The following CILP variants were observed in gnomAD, a reference collection of about 807,000 sequenced individuals.
CILP encodes the protein cartilage intermediate layer protein, also known as cartilage intermediate layer protein 1.
Under a neutral mutation model 82.5 loss-of-function variants are expected in CILP, and 75 were observed. The ratio of observed to expected loss-of-function variants is 0.91; its 90% CI spans 0.75 to 1.10. The LOEUF is 1.10. Among genes scored for constraint, CILP ranks in the 50% least tolerant of loss-of-function variants. The pLI is 0.00. For missense variants in CILP, 1,479 were observed against 1,530.8 expected, an observed-to-expected ratio of 0.97 and a Z score of 0.56; for synonymous variants, 530 against 580.3, an observed-to-expected ratio of 0.91 and a Z score of 1.25.
Position 65,197,897 on chromosome 15 carries a change from C to A in CILP, c.2389G>T (p.Asp797Tyr), listed in dbSNP as rs200078466. 6.2e-7 allele frequency: 1 copy of A among 1,614,028 alleles called. No individual in the cohort carries two copies. The highest frequency in any genetic ancestry group is 1.3e-5 in the African/African-American group (1 of 75,012). ...LSNPRAWGRF[D>Y]SVITGPNGAC... ...CCGTTGGGGCCTGTGATGACACTGT[C>A]AAAGCGGCCCCAGGCCCTAGGGTTG... is the stretch of plus-strand genomic sequence containing the variant. Residue 797 changes from aspartate (D) to tyrosine (Y), a missense_variant, in exon 9 of 9, where the codon GAC (aspartate) becomes TAC (tyrosine). Coordinates refer to ENST00000261883, the MANE Select transcript of CILP (RefSeq NM_003613.4).
chr15:65,199,070 G>C lies in CILP; in HGVS notation c.1216C>G (p.Pro406Ala), dbSNP rs1267940445. 1.3e-6 allele frequency: 2 copies of C among 1,597,198 alleles called. No individual in the cohort carries two copies. Among genetic ancestry groups the C allele is most frequent in the East Asian group, 4.5e-5 (2 of 44,858 alleles). ...ASDETPCNPV[P>A]ESYLIRLPHD... The stretch of plus-strand genomic sequence containing the variant: ...GGCAGCCGGATAAGATAGCTCTCAG[G>C]AACTGGGTTGCAAGGAGTCTCATCA... The change falls in exon 9 of 9, where the codon CCT becomes GCT. Residue 406 changes from proline (P) to alanine (A), a missense_variant. Pro to Ala is a conservative substitution (Grantham distance 27, BLOSUM62 -1). Coordinates refer to ENST00000261883, the MANE Select transcript of CILP (RefSeq NM_003613.4).
At chr15:65,203,723 C>A (rs971094062) in intron 6 of CILP, among the ~76,000 whole-genome samples, 1 of 152,192 alleles carries the variant, frequency 6.6e-6, no homozygotes, top group Admixed American at 6.5e-5. Flanking sequence ...ACAAGGGGAC[C>A]TTGTGTCAGC....
At chr15:65,210,872 G>A (rs16948571) in intron 1 of CILP, among the ~76,000 whole-genome samples, 3,425 of 152,240 alleles carry the variant, frequency 0.022, 126 homozygotes, top group African/African-American at 0.079. Context: ...TCACCAGGAC[G>A]TCCCAAAGGC....
At chr15:65,209,454 G>C (rs2088561463) in intron 2 of CILP, among the ~76,000 whole-genome samples, 1 of 152,040 alleles carries the variant, frequency 6.6e-6, no homozygotes, top group South Asian at 2.1e-4. Context: ...TCCTCCCTCT[G>C]AATGACTGCT....
rs2088506206 is a variant in CILP, at chr15:65,205,346, A to G, written c.545T>C (p.Val182Ala). The G allele has an allele frequency of 1.2e-6, 2 of 1,614,100 alleles. No individual in the cohort carries two copies. Among genetic ancestry groups the G allele is most frequent in the East Asian group, 2.2e-5 (1 of 44,874 alleles). The change falls in exon 5 of 9, where the codon GTG (valine) becomes GCG (alanine). Residue 182 changes from valine (V) to alanine (A), a missense_variant. Val to Ala is a moderately conservative substitution (Grantham distance 64, BLOSUM62 0). Coordinates refer to ENST00000261883, the MANE Select transcript of CILP (RefSeq NM_003613.4). ...TRTRICLAEM[V>A]SLCSEASEEG... Reference sequence around the variant, plus strand: ...TTCGCTGGCCTCACTGCACAGCGACACCATCTCTGCCAAGCAAATGCGTGT... The same window carrying G: ...TTCGCTGGCCTCACTGCACAGCGACGCCATCTCTGCCAAGCAAATGCGTGT...
chr15:65,207,690 G>T lies in CILP; in HGVS notation c.136C>A (p.Pro46Thr), dbSNP rs764531253. Residue 46 changes from proline to threonine, a missense_variant, in exon 3 of 9, where the codon CCT (proline) becomes ACT (threonine). Physicochemically the swap from Pro to Thr is conservative, Grantham distance 38. Coordinates refer to ENST00000261883, the MANE Select transcript of CILP (RefSeq NM_003613.4). Reference sequence around the variant, plus strand: ...AACTCACTCTCCAGGGTGTCGGCAGGCTTGGCAAAGATGCTGGGGTTCTTC... The same window carrying T: ...AACTCACTCTCCAGGGTGTCGGCAGTCTTGGCAAAGATGCTGGGGTTCTTC... ...GKKNPSIFAK[P>T]ADTLESPGEW... 5 of 1,614,122 alleles carry T rather than the reference G, an allele frequency of 3.1e-6. No homozygotes were observed. The highest frequency in any genetic ancestry group is 2.2e-5 in the East Asian group (1 of 44,880).
In CILP at chr15:65,196,903, C is replaced by T. The variant is rs2088370161; in HGVS notation, c.3383G>A (p.Ser1128Asn). The part of the protein sequence containing the change: ...NCVERQVGRQ[S>N]AFQYLQSTPA... Reference sequence around the variant, plus strand: ...GGTGCTTTGGAGGTACTGGAAGGCACTCTGGCGGCCTACTTGCCTCTCTAC... The same window carrying T: ...GGTGCTTTGGAGGTACTGGAAGGCATTCTGGCGGCCTACTTGCCTCTCTAC... Residue 1128 changes from serine to asparagine, a missense_variant, in exon 9 of 9, where the codon AGT becomes AAT. Transcript: ENST00000261883. The T allele has an allele frequency of 1.2e-6, 2 of 1,613,316 alleles. No individual in the cohort carries two copies. The highest frequency in any genetic ancestry group is 1.7e-5 in the Admixed American group (1 of 59,902).
At position 65,195,621 on chromosome 15, in the gene CILP, G is replaced by A. The variant is rs2088351994; in HGVS notation, c.*1110C>T. 1.3e-5 allele frequency: 2 copies of A among 152,246 alleles called. No homozygotes were observed. The highest frequency in any genetic ancestry group is 4.8e-5 in the African/African-American group (2 of 41,466). 9.4% of individuals were successfully genotyped at this position (152,246 alleles called of 1,614,324 possible). A position where few individuals can be genotyped will look rare whatever the true frequency, so the allele number is the denominator to read the frequency against. The stretch of plus-strand genomic sequence containing the variant: ...GAAAAAAGTAAAAGCCCATTTCTGA[G>A]TGAGGCCGGCCAGCCCAGCTGGAGA... On this transcript the variant is annotated 3_prime_UTR_variant, in exon 9 of 9. Coordinates refer to ENST00000261883, the MANE Select transcript of CILP (RefSeq NM_003613.4).
In CILP at chr15:65,195,126, T is replaced by G. The variant is rs960188177; in HGVS notation, c.*1605A>C. On this transcript the variant is annotated 3_prime_UTR_variant, in exon 9 of 9. Transcript: ENST00000261883. ...CTGCAGATGCTTGCTTTTTCTATGG[T>G]TATTGTGATGTGCTCAGCTAGAGAA... 2.0e-5 allele frequency: 3 copies of G among 152,146 alleles called. No individual in the cohort carries two copies. Among genetic ancestry groups the G allele is most frequent in the Non-Finnish European group, 4.4e-5 (3 of 68,048 alleles). The allele number at this position is 152,146 out of a possible 1,614,324, so 9.4% of individuals were successfully genotyped here.
In CILP at chr15:65,204,151, T is replaced by C. The variant is rs1039759230; in HGVS notation, c.919+117A>G. ...AGATAATATAGTGCCATGTGGGCCA[T>C]GGTAAGGATTCGGGGTTTTACTCCA... On this transcript the variant is annotated intron_variant, in intron 6 of 8. Transcript: ENST00000261883. 4 of 839,548 alleles carry C rather than the reference T, an allele frequency of 4.8e-6. No homozygotes were observed. The Admixed American group carries it at 1.1e-4, about 23-fold the overall frequency. The allele number at this position is 839,548 out of a possible 1,614,324, so 52.0% of individuals were successfully genotyped here. A position where few individuals can be genotyped will look rare whatever the true frequency, so the allele number is the denominator to read the frequency against.
At chr15:65,207,175 A>G in intron 3 of CILP, 124 bp from the exon 4 acceptor site, 1 of 1,075,954 alleles carries the variant, frequency 9.3e-7, no homozygotes, top group Non-Finnish European at 1.3e-6. Context: ...TATCTCTCCA[A>G]TCCCCTCTTA....
chr15:65,209,222 G>A (rs563002225), intron 2 of CILP, among the ~76,000 whole-genome samples: 29 of 152,194 alleles, frequency 1.9e-4, no homozygotes, highest in African/African-American at 7.0e-4. Flanking sequence ...AGGGCAAGGA[G>A]ACCGGAAGGG....
rs200825053 is a variant in CILP at position 65,197,221 on chromosome 15, C to A, written c.3065G>T (p.Arg1022Leu). 79 of 1,613,916 alleles carry A rather than the reference C, an allele frequency of 4.9e-5. No homozygotes were observed. Among genetic ancestry groups the A allele is most frequent in the Non-Finnish European group, 6.4e-5 (75 of 1,180,020 alleles). ...CTGGGGGATGACCTTCACCAGGGTG[C>A]GGTCCACACGGTCCTGATCATAGAG... The part of the protein sequence containing the change: ...GMLYDQDRVD[R>L]TLVKVIPQGS... The change falls in exon 9 of 9, where the codon CGC (arginine) becomes CTC (leucine). Residue 1022 changes from arginine to leucine, a missense_variant. Physicochemically the swap from Arg to Leu is moderately radical, Grantham distance 102. Transcript: ENST00000261883.
Position 65,209,694 on chromosome 15 carries a change from C to A in CILP, c.61+1G>T. On this transcript the variant is annotated splice_donor_variant, in intron 2 of 8. Transcript: ENST00000261883. LOFTEE classifies it high-confidence loss of function. Reference sequence around the variant, plus strand: ...GGAGCCAGCAGATACTTAGCCTATACCCAACACAGATGTGACTTCCAGGAC... The same window carrying A: ...GGAGCCAGCAGATACTTAGCCTATAACCAACACAGATGTGACTTCCAGGAC... 6.2e-7 allele frequency: 1 copy of A among 1,614,012 alleles called. No homozygotes were observed. The highest frequency in any genetic ancestry group is 2.2e-5 in the East Asian group (1 of 44,864).
At position 65,197,215 on chromosome 15, in the gene CILP, A is replaced by G; in HGVS notation, c.3071T>C (p.Leu1024Pro). 5.0e-6 allele frequency: 8 copies of G among 1,614,076 alleles called. No individual in the cohort carries two copies. The highest frequency in any genetic ancestry group is 6.8e-6 in the Non-Finnish European group (8 of 1,180,010). Residue 1024 changes from leucine to proline, a missense_variant, in exon 9 of 9, where the codon CTG becomes CCG. Physicochemically the swap from Leu to Pro is moderately conservative, Grantham distance 98. Transcript: ENST00000261883. ...GCTGCCCTGGGGGATGACCTTCACC[A>G]GGGTGCGGTCCACACGGTCCTGATC... is the stretch of plus-strand genomic sequence containing the variant. ...LYDQDRVDRT[L>P]VKVIPQGSCR...
At chr15:65,208,131 G>A (rs1427692006) in intron 2 of CILP, among the ~76,000 whole-genome samples, 1 of 152,180 alleles carries the variant, frequency 6.6e-6, no homozygotes, top group Non-Finnish European at 1.5e-5. Flanking sequence ...TGGGACTCCT[G>A]CTTTGGTGTC....
At chr15:65,209,507 T>G (rs2088562058) in intron 2 of CILP, among the ~76,000 whole-genome samples, 188 bp downstream of exon 2, 1 of 152,178 alleles carries the variant, frequency 6.6e-6, no homozygotes, top group Non-Finnish European at 1.5e-5. Flanking sequence ...TGAGTTTTAA[T>G]AATGGGAACA....
chr15:65,198,391 A>G lies in CILP; in HGVS notation c.1895T>C (p.Ile632Thr). Residue 632 changes from isoleucine to threonine, a missense_variant, in exon 9 of 9, where the codon ATT (isoleucine) becomes ACT (threonine). By Grantham distance (89) the Ile-to-Thr change is moderately conservative. Coordinates refer to ENST00000261883, the MANE Select transcript of CILP (RefSeq NM_003613.4). Reference sequence around the variant, plus strand: ...AGTCTGGGCAGCTGTGGCTGTGGAAATATTCCGGGGATCCAGGAAGGTCAC... The same window carrying G: ...AGTCTGGGCAGCTGTGGCTGTGGAAGTATTCCGGGGATCCAGGAAGGTCAC... ...ASVTFLDPRNISTATAAQTDL... is the reference protein window; with the variant it reads ...ASVTFLDPRNTSTATAAQTDL... 1 of 1,614,154 alleles carries G rather than the reference A, an allele frequency of 6.2e-7. No homozygotes were observed. The highest frequency in any genetic ancestry group is 8.5e-7 in the Non-Finnish European group (1 of 1,180,022).
intron 2 of CILP, 150 bp downstream of exon 2, chr15:65,209,545 G>T: frequency 1.5e-6 from 1 of 655,662 alleles, no homozygotes; most frequent in Non-Finnish European, 2.7e-6. Flanking sequence ...AAAACAAACA[G>T]GGTATAAATT....
Sources: allele counts gnomAD v4.1 joint callset (sites outside exome capture counted in the v4.1 genomes callset), GRCh38; gene constraint gnomAD v4.1.1; transcripts MANE v1.5; gene names NCBI Gene and HGNC (gene_info 2026-07-23, HGNC 2026-07-21).